Variants in TMEM135 observed in about 807,000 individuals in gnomAD.
TMEM135 encodes peroxisomal membrane protein 52.
A neutral mutation model predicts 60.3 loss-of-function variants in TMEM135; 30 were observed. The observed-to-expected ratio is 0.50, with a 90% CI of 0.37 to 0.68. TMEM135 has a LOEUF of 0.68. Ranked by LOEUF, TMEM135 falls within the 30% of genes least tolerant of loss-of-function variation. TMEM135 has a pLI of 0.00. For synonymous variants in TMEM135, 190 were observed against 186.7 expected, an observed-to-expected ratio of 1.02 and a Z score of -0.14; for missense variants, 468 against 548.8, an observed-to-expected ratio of 0.85 and a Z score of 1.47.
chr11:87,222,525 C>T (rs1352125170), intron 5 of TMEM135, among the ~76,000 whole-genome samples: 4 of 150,840 alleles, frequency 2.7e-5, no homozygotes, highest in South Asian at 2.1e-4. Flanking sequence ...ATTACTGGGC[C>T]GAGCGTGGTG....
intron 4 of TMEM135, among the ~76,000 whole-genome samples, chr11:87,124,004 C>G (rs1937650396): frequency 6.6e-6 from 1 of 152,170 alleles, no homozygotes; most frequent in East Asian, 1.9e-4. Flanking sequence ...TAATGTTTTT[C>G]TCTTTCTACT....
At chr11:87,221,659 G>A (rs1028794064) in intron 5 of TMEM135, among the ~76,000 whole-genome samples, 31 of 152,232 alleles carry the variant, frequency 2.0e-4, no homozygotes, top group Admixed American at 8.5e-4. Flanking sequence ...CATGATAGAG[G>A]TAACGTCTGG....
chr11:87,319,991 G>A (rs1053306219), intron 14 of TMEM135, among the ~76,000 whole-genome samples: 1 of 152,086 alleles, frequency 6.6e-6, no homozygotes, highest in Non-Finnish European at 1.5e-5. Flanking sequence ...AAATAATAAT[G>A]CATACATTGT....
chr11:87,163,050 A>G (rs955172413), intron 5 of TMEM135, among the ~76,000 whole-genome samples: 2 of 142,452 alleles, frequency 1.4e-5, no homozygotes, highest in African/African-American at 5.2e-5. Context: ...TTTTTATTTT[A>G]TTATACATTA....
chr11:87,317,587 G>A (rs959788598), intron 12 of TMEM135, among the ~76,000 whole-genome samples: 23 of 151,896 alleles, frequency 1.5e-4, no homozygotes, highest in African/African-American at 5.1e-4. Flanking sequence ...TTCTTTTTAT[G>A]GCAATTCAGT....
intron 4 of TMEM135, among the ~76,000 whole-genome samples, chr11:87,154,684 T>C (rs946299184): frequency 2.0e-5 from 3 of 152,194 alleles, no homozygotes; most frequent in African/African-American, 7.2e-5. Flanking sequence ...GGATGGGAAG[T>C]GGTATCTCAC....
intron 5 of TMEM135, among the ~76,000 whole-genome samples, chr11:87,232,218 T>C (rs1011687127): frequency 6.6e-6 from 1 of 152,180 alleles, no homozygotes; most frequent in Non-Finnish European, 1.5e-5. Context: ...CCCAAAGTGC[T>C]GGGGTTACAG....
chr11:87,038,894 C>G (rs1590971148), intron 1 of TMEM135, among the ~76,000 whole-genome samples: 2 of 152,176 alleles, frequency 1.3e-5, no homozygotes, highest in Middle Eastern at 3.4e-3. Context: ...GAATATTTGG[C>G]AGTATGTATA....
intron 4 of TMEM135, among the ~76,000 whole-genome samples, chr11:87,132,022 C>A (rs1242270408): frequency 6.6e-6 from 1 of 152,060 alleles, no homozygotes; most frequent in African/African-American, 2.4e-5. Context: ...TCTCCTGTCA[C>A]CCCTAGATGG....
At chr11:87,124,637 A>T (rs597344) in intron 4 of TMEM135, among the ~76,000 whole-genome samples, 72,464 of 151,902 alleles carry the variant, frequency 0.48, 17,581 homozygotes, top group East Asian at 0.67. Flanking sequence ...GTATGTGTTG[A>T]TATATCCTGA....
intron 5 of TMEM135, chr11:87,158,024 C>T (rs192382819): frequency 3.9e-5 from 6 of 152,572 alleles, no homozygotes; most frequent in South Asian, 2.1e-4. Context: ...AGGTTGAGGT[C>T]GAATGTAACA....
intron 6 of TMEM135, among the ~76,000 whole-genome samples, chr11:87,240,600 T>C (rs557155164): frequency 2.0e-5 from 3 of 152,108 alleles, no homozygotes; most frequent in African/African-American, 7.2e-5. Flanking sequence ...GAATCAACAA[T>C]AAACATCAAA....
At chr11:87,256,372 A>G (rs1428476509) in intron 6 of TMEM135, among the ~76,000 whole-genome samples, 3 of 152,222 alleles carry the variant, frequency 2.0e-5, no homozygotes, top group African/African-American at 7.2e-5. Flanking sequence ...TTTGCAAATT[A>G]TAAATTCAGA....
intron 5 of TMEM135, among the ~76,000 whole-genome samples, chr11:87,195,150 A>C (rs1217097871): frequency 6.6e-6 from 1 of 152,214 alleles, no homozygotes; most frequent in Admixed American, 6.5e-5. Flanking sequence ...TTTGCAAGAC[A>C]TCGAATGCAA....
At chr11:87,168,367 T>G (rs1458605769) in intron 5 of TMEM135, among the ~76,000 whole-genome samples, 2 of 152,056 alleles carry the variant, frequency 1.3e-5, no homozygotes, top group Non-Finnish European at 2.9e-5. Context: ...TGTTAGCTTT[T>G]GCTTTTCTAG....
At chr11:87,186,067 C>T (rs1273845387) in intron 5 of TMEM135, among the ~76,000 whole-genome samples, 1 of 152,060 alleles carries the variant, frequency 6.6e-6, no homozygotes, top group East Asian at 1.9e-4. Flanking sequence ...CCACTACATT[C>T]AGCTATTTTT....
intron 4 of TMEM135, among the ~76,000 whole-genome samples, chr11:87,130,626 G>A (rs1937899015): frequency 6.6e-6 from 1 of 152,068 alleles, no homozygotes; most frequent in Admixed American, 6.6e-5. Context: ...TATAGTATGG[G>A]ATGAGTAGCT....
intron 6 of TMEM135, among the ~76,000 whole-genome samples, chr11:87,279,796 T>G (rs1021752298): frequency 3.9e-5 from 6 of 152,248 alleles, no homozygotes; most frequent in African/African-American, 1.4e-4. Context: ...ATGATGTGAC[T>G]TTATTATTCA....
chr11:87,102,740 G>GTATA (rs1157507913), intron 4 of TMEM135, among the ~76,000 whole-genome samples: 1 of 140,438 alleles, frequency 7.1e-6, no homozygotes, highest in East Asian at 2.1e-4. Context: ...ATATATATAT[G>GTATA]TATATATGTA....
Sources: allele counts gnomAD v4.1 joint callset (sites outside exome capture counted in the v4.1 genomes callset), GRCh38; gene constraint gnomAD v4.1.1; transcripts MANE v1.5; gene names NCBI Gene and HGNC (gene_info 2026-07-23, HGNC 2026-07-21).